CFAP58: variants seen among roughly 807,000 people sequenced by gnomAD.
CFAP58 encodes cilia and flagella associated protein 58.
In CFAP58, 88 loss-of-function variants were observed where a neutral mutation model predicts 119.5. The observed-to-expected ratio is 0.74, with a 90% CI of 0.62 to 0.88. The LOEUF (loss-of-function observed/expected upper bound fraction) is 0.88, where lower values mean the gene tolerates loss of function less well. Ranked by LOEUF, CFAP58 falls within the 40% of genes least tolerant of loss-of-function variation. The pLI, the probability that CFAP58 is intolerant of heterozygous loss-of-function variation, is 0.00. For missense variants in CFAP58, 990 were observed against 1,021.2 expected (o/e 0.97, Z 0.42); for synonymous variants, 365 against 366.3 (o/e 1.00, Z 0.04).
At chr10:104,353,570 C>T, upstream of CFAP58, 1 of 353,792 alleles carries the variant, frequency 2.8e-6, no homozygotes, top group Non-Finnish European at 5.2e-6. Context: ...GTGTCTCCAT[C>T]TGCCCACACC....
the CFAP58 span, among the ~76,000 whole-genome samples, chr10:104,346,034 A>G: frequency 6.6e-6 from 1 of 152,044 alleles, no homozygotes; most frequent in Non-Finnish European, 1.5e-5. Context: ...TGCAGGAAAC[A>G]TGGTTCTAGC....
At chr10:104,382,484 T>A in intron 9 of CFAP58, 1 of 358,950 alleles carries the variant, frequency 2.8e-6, no homozygotes, top group South Asian at 4.6e-5. Flanking sequence ...ACTCTGGATA[T>A]AAACCTCTGT....
At chr10:104,426,093 G>T (rs1285038229) in intron 15 of CFAP58, among the ~76,000 whole-genome samples, 1 of 152,158 alleles carries the variant, frequency 6.6e-6, no homozygotes, top group Non-Finnish European at 1.5e-5. Context: ...TTGGCTGGAT[G>T]TGGCAGTGCT....
chr10:104,374,208 C>T (rs892866542), intron 7 of CFAP58, among the ~76,000 whole-genome samples: 4 of 151,756 alleles, frequency 2.6e-5, no homozygotes, highest in Middle Eastern at 3.2e-3. Flanking sequence ...GCCTATAATC[C>T]CAGCACTTTA....
At chr10:104,381,276 A>T (rs1028193446) in intron 9 of CFAP58, among the ~76,000 whole-genome samples, 7 of 152,214 alleles carry the variant, frequency 4.6e-5, no homozygotes, top group Non-Finnish European at 1.0e-4. Flanking sequence ...AGGCTCGAGG[A>T]TATATGTCTC....
At chr10:104,436,430 C>T (rs1423364833) in intron 15 of CFAP58, among the ~76,000 whole-genome samples, 1 of 152,152 alleles carries the variant, frequency 6.6e-6, no homozygotes, top group African/African-American at 2.4e-5. Context: ...AGTGGCTCAT[C>T]GTTCTGTAGA....
Position 104,379,194 on chromosome 10 carries a change from C to T in CFAP58, c.1174-835C>T, listed in dbSNP as rs1001014080. Among the ~76,000 whole-genome samples, 38 of 152,114 alleles carry T rather than the reference C, an allele frequency of 2.5e-4. 1 individual carries two copies. Among genetic ancestry groups the T allele is most frequent in the Admixed American group, 2.6e-4 (4 of 15,276 alleles). On this transcript the variant is annotated intron_variant, in intron 8 of 17. Coordinates refer to ENST00000369704, the MANE Select transcript of CFAP58 (RefSeq NM_001008723.2). ...TATCCCCCGCTCCTCCCACCCCTGG[C>T]AACTACGAATCTTCTTTCAGTTTTT...
intron 12 of CFAP58, 104 bp downstream of exon 12, chr10:104,399,604 T>A (rs1226110661): frequency 1.7e-6 from 2 of 1,205,052 alleles, no homozygotes; most frequent in East Asian, 2.6e-5. Flanking sequence ...CAACCAGCCC[T>A]ATTGGAAGAA....
At chr10:104,434,937 G>T (rs1363523509) in intron 15 of CFAP58, among the ~76,000 whole-genome samples, 1 of 152,136 alleles carries the variant, frequency 6.6e-6, no homozygotes, top group East Asian at 1.9e-4. Context: ...CAGGTTACTT[G>T]TTTCCTCATC....
Position 104,400,753 on chromosome 10 carries a change from A to G in CFAP58, c.1889A>G (p.Lys630Arg), listed in dbSNP as rs371106902. Residue 630 changes from lysine (K) to arginine (R), a missense_variant, in exon 13 of 18, where the codon AAG becomes AGG. Coordinates refer to ENST00000369704, the MANE Select transcript of CFAP58 (RefSeq NM_001008723.2). ...GATGAGTTAGCTTTGCTCTATGAGAAGATCAAGATCCAACAGTCTGTGCTG... is the reference window on the plus strand; with the variant it reads ...GATGAGTTAGCTTTGCTCTATGAGAGGATCAAGATCCAACAGTCTGTGCTG... ...RNDELALLYEKIKIQQSVLNK... is the reference protein window; with the variant it reads ...RNDELALLYERIKIQQSVLNK... The G allele has an allele frequency of 3.1e-6, 5 of 1,614,044 alleles. No individual in the cohort carries two copies. In the African/African-American group the frequency reaches 5.3e-5, roughly 17 times the overall value.
intron 15 of CFAP58, among the ~76,000 whole-genome samples, chr10:104,438,536 C>A (rs1313655477): frequency 6.6e-6 from 1 of 151,500 alleles, no homozygotes; most frequent in Non-Finnish European, 1.5e-5. Flanking sequence ...CCACAGCGCC[C>A]GGCTAATTTT....
In CFAP58 at chr10:104,403,854, G is replaced by A. The variant is rs769132264; in HGVS notation, c.2151+14G>A. The A allele has an allele frequency of 1.1e-5, 17 of 1,539,476 alleles. No individual in the cohort carries two copies. The Admixed American group carries it at 2.4e-4, about 22-fold the overall frequency. ...AGGAAGCTCGAGGTAACATCTGGCA[G>A]CGTGTTCTCCCCATCCCCAAATCTC... On this transcript the variant is annotated intron_variant, in intron 14 of 17. Transcript: ENST00000369704.
At chr10:104,357,651 T>G (rs1319633484) in intron 1 of CFAP58, among the ~76,000 whole-genome samples, 1 of 152,128 alleles carries the variant, frequency 6.6e-6, no homozygotes, top group African/African-American at 2.4e-5. Flanking sequence ...TAATTTAATC[T>G]AATCCTTAGT....
At chr10:104,358,698 G>T in intron 2 of CFAP58, 76 bp downstream of exon 2, 1 of 1,315,130 alleles carries the variant, frequency 7.6e-7, no homozygotes, top group South Asian at 1.5e-5. Context: ...CCTCTAGGCT[G>T]GTAGTAAATG....
chr10:104,394,673 C>G lies in CFAP58; in HGVS notation c.1674+1198C>G, dbSNP rs562166892. 2.4e-4 allele frequency among the ~76,000 whole-genome samples: 36 copies of G among 152,250 alleles called. No individual in the cohort carries two copies. The East Asian group carries it at 6.0e-3, about 25-fold the overall frequency. On this transcript the variant is annotated intron_variant, in intron 11 of 17. Transcript: ENST00000369704. ...AAGATATTGTAACTGATATATTTACCTGTCTCAGACATTCATCTCCCCCAC... is the reference window on the plus strand; with the variant it reads ...AAGATATTGTAACTGATATATTTACGTGTCTCAGACATTCATCTCCCCCAC...
intron 1 of CFAP58, among the ~76,000 whole-genome samples, chr10:104,357,733 A>C (rs2014561517): frequency 6.6e-6 from 1 of 151,924 alleles, no homozygotes; most frequent in Non-Finnish European, 1.5e-5. Context: ...ATGCATATAT[A>C]TATATGTAAT....
chr10:104,418,875 G>A (rs1004078658), intron 15 of CFAP58, among the ~76,000 whole-genome samples: 2 of 152,184 alleles, frequency 1.3e-5, no homozygotes, highest in Non-Finnish European at 2.9e-5. Flanking sequence ...CTCACTAGAC[G>A]ATGATGTGGG....
intron 1 of CFAP58, among the ~76,000 whole-genome samples, chr10:104,355,608 A>T (rs1267799626): frequency 2.0e-5 from 3 of 152,188 alleles, no homozygotes; most frequent in South Asian, 4.1e-4. Flanking sequence ...TATTCCCAGA[A>T]CTTAGGACAG....
At chr10:104,427,893 C>A (rs957016444) in intron 15 of CFAP58, among the ~76,000 whole-genome samples, 2 of 152,104 alleles carry the variant, frequency 1.3e-5, no homozygotes, top group African/African-American at 4.8e-5. Flanking sequence ...GAAATTTTGG[C>A]GTGACCTTAT....
Sources: gnomAD v4.1 joint callset for allele counts (sites outside exome capture counted in the v4.1 genomes callset) on GRCh38, gnomAD v4.1.1 for gene constraint, MANE v1.5 for transcripts, NCBI Gene and HGNC (gene_info 2026-07-23, HGNC 2026-07-21) for gene names.